The following PHACTR2 variants were observed in gnomAD, a reference collection of about 807,000 sequenced individuals.
The protein encoded by PHACTR2 is chromosome 6 open reading frame 56.
In PHACTR2, 30 loss-of-function variants were observed where a neutral mutation model predicts 76.0. The ratio of observed to expected loss-of-function variants is 0.39; its 90% CI spans 0.30 to 0.54. PHACTR2 has a LOEUF of 0.54. Ranked by LOEUF, PHACTR2 falls within the 20% of genes least tolerant of loss-of-function variation. The probability of loss-of-function intolerance (pLI) is 0.61; values close to 1 mark genes in which losing one functional copy is unlikely to be tolerated. For missense variants in PHACTR2, 696 were observed against 781.1 expected (o/e 0.89, Z 1.30); for synonymous variants, 292 against 292.5 (o/e 1.00, Z 0.02).
intron 1 of PHACTR2, among the ~76,000 whole-genome samples, chr6:143,615,152 C>G (rs1173138840): frequency 6.6e-6 from 1 of 152,150 alleles, no homozygotes; most frequent in African/African-American, 2.4e-5. Context: ...TTATCTCCCC[C>G]AAGTTACATA....
In PHACTR2 at chr6:143,678,110, T is replaced by C; in HGVS notation, c.-54T>C. 6.5e-7 allele frequency: 1 copy of C among 1,545,302 alleles called. No individual in the cohort carries two copies. The highest frequency in any genetic ancestry group is 8.7e-7 in the Non-Finnish European group (1 of 1,144,644). On this transcript the variant is annotated 5_prime_UTR_variant, in exon 1 of 13. Transcript: ENST00000440869. This position sits in a 1 kb window ranked among gnomAD's most constrained non-coding sequence, Gnocchi z 6.2. ...AGTCTGGCTGGGAGCGGACCCATGA[T>C]CGAAGGACCAAAGGAGCCGCTTGAT...
chr6:143,559,900 G>A (rs916648680), intron 1 of PHACTR2, among the ~76,000 whole-genome samples: 1 of 151,244 alleles, frequency 6.6e-6, no homozygotes, highest in Admixed American at 6.6e-5. Context: ...TAGTAGAGAC[G>A]GGGTTTCTCC....
chr6:143,746,143 C>T (rs1382054189), intron 2 of PHACTR2, among the ~76,000 whole-genome samples: 1 of 152,144 alleles, frequency 6.6e-6, no homozygotes, highest in Non-Finnish European at 1.5e-5. Context: ...CAGACAGCCT[C>T]GATTAATGAC....
At chr6:143,808,937 C>T (rs1214344836) in intron 12 of PHACTR2, among the ~76,000 whole-genome samples, 2 of 152,276 alleles carry the variant, frequency 1.3e-5, no homozygotes, top group Non-Finnish European at 2.9e-5. Flanking sequence ...AGTTGCTCTT[C>T]TGAAGTAAAG....
intron 9 of PHACTR2, among the ~76,000 whole-genome samples, chr6:143,781,283 T>G (rs1402848070): frequency 6.6e-6 from 1 of 152,230 alleles, no homozygotes; most frequent in Non-Finnish European, 1.5e-5. Flanking sequence ...GGCCCTTCTC[T>G]TTTTAGACAT....
In PHACTR2 at chr6:143,611,168, G is replaced by A. The variant is rs75649415; in HGVS notation, c.13+2846G>A. On this transcript the variant is annotated intron_variant, in intron 1 of 11. Coordinates refer to the PHACTR2 transcript ENST00000305766. This position sits in a 1 kb window ranked among gnomAD's most constrained non-coding sequence, Gnocchi z 4.4. ...TGCAGAGTACTGTTAAAAAAAAAAA[G>A]TTCTGCAGAATTTATTGTGTTGGGT... 2.0e-5 allele frequency among the ~76,000 whole-genome samples: 3 copies of A among 150,022 alleles called. No individual in the cohort carries two copies. Among genetic ancestry groups the A allele is most frequent in the African/African-American group, 7.4e-5 (3 of 40,306 alleles).
At chr6:143,720,187 T>A (rs1402534931) in intron 2 of PHACTR2, among the ~76,000 whole-genome samples, 4 of 152,210 alleles carry the variant, frequency 2.6e-5, no homozygotes, top group Non-Finnish European at 5.9e-5. Flanking sequence ...ACATACAATA[T>A]GTCAGGAACT....
rs1776090203 is a variant in PHACTR2 at position 143,618,256 on chromosome 6, A to ACAC, written c.13+9934_13+9935insCAC. ...GTTCCACCTTGTACTTCCTGCTCCA[A>ACAC]ACACACACACACACACACACACACA... On this transcript the variant is annotated intron_variant, in intron 1 of 11. Transcript: ENST00000305766. The surrounding 1 kb of genome is among the most constrained non-coding windows in gnomAD (Gnocchi z 5.2). Among the ~76,000 whole-genome samples the ACAC allele has an allele frequency of 6.9e-6, 1 of 145,216 alleles. No individual in the cohort carries two copies. Among genetic ancestry groups the ACAC allele is most frequent in the East Asian group, 2.0e-4 (1 of 4,962 alleles).
At chr6:143,644,990 GAGTCCCCAA>G (rs1302139312) in intron 1 of PHACTR2, among the ~76,000 whole-genome samples, 2 of 112,934 alleles carry the variant, frequency 1.8e-5, no homozygotes, top group Non-Finnish European at 3.5e-5. Context: ...CACCCACCCT[GAGTCCCCAA>G]AGTCAATTGT....
chr6:143,779,116 G>A (rs1775356545), intron 9 of PHACTR2, among the ~76,000 whole-genome samples: 1 of 152,118 alleles, frequency 6.6e-6, no homozygotes, highest in Admixed American at 6.5e-5. Context: ...CTATTGTACA[G>A]CCAAGGGAGG....
rs1778904550 is a variant in PHACTR2, at chr6:143,739,998, G to A, written c.215-8987G>A. 6.6e-6 allele frequency among the ~76,000 whole-genome samples: 1 copy of A among 152,210 alleles called. No individual in the cohort carries two copies. The highest frequency in any genetic ancestry group is 2.4e-5 in the African/African-American group (1 of 41,464). On this transcript the variant is annotated intron_variant, in intron 2 of 12. Coordinates refer to ENST00000440869, the MANE Select transcript of PHACTR2 (RefSeq NM_001100164.2). This position sits in a 1 kb window ranked among gnomAD's most constrained non-coding sequence, Gnocchi z 4.3. ...AAAGAATTCAGGGGGAGTCCATAAAGTGAAGTGAAAGCAAGTTTATTAAGA... is the reference window on the plus strand; with the variant it reads ...AAAGAATTCAGGGGGAGTCCATAAAATGAAGTGAAAGCAAGTTTATTAAGA...
chr6:143,706,004 A>G (rs888171285), intron 1 of PHACTR2, among the ~76,000 whole-genome samples: 28 of 152,362 alleles, frequency 1.8e-4, no homozygotes, highest in Admixed American at 9.1e-4. Flanking sequence ...ATATTTATCT[A>G]TATGAGTATG....
Position 143,601,440 on chromosome 6 carries a change from G to A in PHACTR2, c.217+64233G>A, listed in dbSNP as rs552469643. 1.4e-4 allele frequency among the ~76,000 whole-genome samples: 22 copies of A among 152,256 alleles called. No individual in the cohort carries two copies. The South Asian group carries it at 4.4e-3, about 30-fold the overall frequency. On this transcript the variant is annotated intron_variant, in intron 1 of 11. Transcript: ENST00000367584. ...CTCCTTCTCAGAGGGCTGCTTGCAG[G>A]TTTTTTTAGGAGTACAATGCTGGGC...
intron 1 of PHACTR2, among the ~76,000 whole-genome samples, chr6:143,601,975 A>G (rs886660802): frequency 6.6e-6 from 1 of 152,240 alleles, no homozygotes; most frequent in Admixed American, 6.5e-5. Context: ...ACTTGTAATG[A>G]CCAAATCAAG....
In PHACTR2 at chr6:143,753,863, T is replaced by C. The variant is rs1359432213; in HGVS notation, c.405T>C (p.Ser135=). 1 of 1,611,882 alleles carries C rather than the reference T, an allele frequency of 6.2e-7. No homozygotes were observed. The highest frequency in any genetic ancestry group is 1.1e-5 in the South Asian group (1 of 90,518). The change falls in exon 4 of 13, where the codon TCT becomes TCC. Residue 135 remains serine (S), a synonymous_variant. Transcript: ENST00000440869. The surrounding 1 kb of genome is among the most constrained non-coding windows in gnomAD (Gnocchi z 4.6). ...NVVKSEEGNG[S]VSEKTPPLEE... is the part of the protein sequence containing the mutation. ...TAAAGTCTGAAGAAGGTAATGGCTC[T>C]GTATCTGAAAAAACACCACCTCTGG...
chr6:143,760,699 G>T lies in PHACTR2; in HGVS notation c.694+59G>T. 1 of 1,572,476 alleles carries T rather than the reference G, an allele frequency of 6.4e-7. No individual in the cohort carries two copies. ...TCTAGGGTGCTTGGCTCTGGGATGG[G>T]GCTAATTGTTTCTTCTAGGTGTGAT... On this transcript the variant is annotated intron_variant, in intron 5 of 12. Transcript: ENST00000440869. This position sits in a 1 kb window ranked among gnomAD's most constrained non-coding sequence, Gnocchi z 6.4.
rs547448607 is a variant in PHACTR2 at position 143,731,416 on chromosome 6, T to C, written c.215-17569T>C. ...GATTCTCCTGCCTCAGCCTCCGGAG[T>C]AGCTGGGATTATAGGCATGAGCCAC... On this transcript the variant is annotated intron_variant, in intron 2 of 12. Transcript: ENST00000440869. This position sits in a 1 kb window ranked among gnomAD's most constrained non-coding sequence, Gnocchi z 4.9. Among the ~76,000 whole-genome samples the C allele has an allele frequency of 3.9e-5, 6 of 151,994 alleles. No homozygotes were observed. The East Asian group carries it at 1.2e-3, about 30-fold the overall frequency.
chr6:143,673,171 G>A (rs1016265569), upstream of PHACTR2, among the ~76,000 whole-genome samples: 2 of 152,156 alleles, frequency 1.3e-5, no homozygotes, highest in Middle Eastern at 3.4e-3. Flanking sequence ...GAGGTACCAC[G>A]CCCATGGGAA....
At position 143,668,276 on chromosome 6, in the gene PHACTR2, C is replaced by T. The variant is rs147289978; in HGVS notation, c.14-43740C>T. On this transcript the variant is annotated intron_variant, in intron 1 of 11. Coordinates refer to the PHACTR2 transcript ENST00000305766. Reference sequence around the variant, plus strand: ...TTGATGTGCTGCTGGATTCGGTTTGCCAGTATTTATTGAGGATTTTTGCAT... The same window carrying T: ...TTGATGTGCTGCTGGATTCGGTTTGTCAGTATTTATTGAGGATTTTTGCAT... Among the ~76,000 whole-genome samples the T allele has an allele frequency of 2.9e-3, 448 of 152,226 alleles. 1 individual carries two copies. Among genetic ancestry groups the T allele is most frequent in the Non-Finnish European group, 5.1e-3 (345 of 68,016 alleles).
Sources: gnomAD v4.1 joint callset for allele counts (sites outside exome capture counted in the v4.1 genomes callset) on GRCh38, gnomAD v4.1.1 for gene constraint, Gnocchi (gnomAD v3.1) non-coding constraint, MANE v1.5 for transcripts, NCBI Gene and HGNC (gene_info 2026-07-23, HGNC 2026-07-21) for gene names.